MMP16: variants seen among roughly 807,000 people sequenced by gnomAD.
MMP16 encodes matrix metallopeptidase 16, also known as matrix metalloproteinase-16.
Under a neutral mutation model 67.8 loss-of-function variants are expected in MMP16, and 12 were observed. The ratio of observed to expected loss-of-function variants is 0.18; its 90% CI spans 0.11 to 0.29. The LOEUF (loss-of-function observed/expected upper bound fraction) is 0.29. MMP16 is among the 10% of genes least tolerant of loss of function. The probability of loss-of-function intolerance (pLI) is 1.00; values close to 1 mark genes in which losing one functional copy is unlikely to be tolerated. For synonymous variants in MMP16, 249 were observed against 255.9 expected (o/e 0.97, Z 0.26); for missense variants, 475 against 765.7 (o/e 0.62, Z 4.48).
At chr8:88,137,872 A>G (rs115643782) in intron 4 of MMP16, among the ~76,000 whole-genome samples, 5,269 of 152,016 alleles carry the variant, frequency 0.035, 306 homozygotes, top group African/African-American at 0.12. Flanking sequence ...TTCAATTCAC[A>G]TATCTTGTCT....
intron 1 of MMP16, among the ~76,000 whole-genome samples, chr8:88,272,183 T>C (rs1269806585): frequency 6.6e-6 from 1 of 152,222 alleles, no homozygotes; most frequent in Non-Finnish European, 1.5e-5. Context: ...GTATTATTTA[T>C]CAATCATTTT....
At chr8:88,243,384 A>G (rs1464959026) in intron 1 of MMP16, among the ~76,000 whole-genome samples, 1 of 152,130 alleles carries the variant, frequency 6.6e-6, no homozygotes, top group Non-Finnish European at 1.5e-5. Context: ...CAGAATGTTG[A>G]TGCACCAGGC....
chr8:88,262,885 C>T (rs894916817), intron 1 of MMP16, among the ~76,000 whole-genome samples: 2 of 139,940 alleles, frequency 1.4e-5, no homozygotes, highest in South Asian at 2.3e-4. Flanking sequence ...ATTAGCCGAG[C>T]GTGGTAGCGG....
At chr8:88,237,603 C>G (rs1249036024) in intron 1 of MMP16, among the ~76,000 whole-genome samples, 2 of 151,716 alleles carry the variant, frequency 1.3e-5, no homozygotes, top group Non-Finnish European at 2.9e-5. Flanking sequence ...GAACCGAGAT[C>G]GCGCCACAGC....
chr8:88,176,469 C>CA (rs1305677009), intron 3 of MMP16, among the ~76,000 whole-genome samples: 1 of 151,784 alleles, frequency 6.6e-6, no homozygotes, highest in Non-Finnish European at 1.5e-5. Flanking sequence ...GAAATCAGGT[C>CA]AAAAAAGGAC....
chr8:88,221,329 A>G (rs1331660376), intron 1 of MMP16, among the ~76,000 whole-genome samples: 1 of 152,166 alleles, frequency 6.6e-6, no homozygotes, highest in Non-Finnish European at 1.5e-5. Context: ...ATTACTACAC[A>G]GTGTATGCAC....
chr8:88,257,293 C>T (rs7013819), intron 1 of MMP16, among the ~76,000 whole-genome samples: 15,841 of 152,214 alleles, frequency 0.1, 987 homozygotes, highest in South Asian at 0.18. Context: ...ATAGTAAATA[C>T]ATATGGACAA....
rs144968478 is a variant in MMP16, at chr8:88,290,936, T to C, written c.132+36139A>G. Among the ~76,000 whole-genome samples, 49 of 152,256 alleles carry C rather than the reference T, an allele frequency of 3.2e-4. 1 individual carries two copies. The highest frequency in any genetic ancestry group is 1.1e-3 in the African/African-American group (47 of 41,542). ...CTTAAATATTCAAAAAATGAAGAGA[T>C]TCTCCGATTCTAATGAGTAAAACCT... is the stretch of plus-strand genomic sequence containing the variant. On this transcript the variant is annotated intron_variant, in intron 1 of 9. Transcript: ENST00000286614.
intron 4 of MMP16, among the ~76,000 whole-genome samples, chr8:88,123,191 G>C (rs539672988): frequency 3.7e-4 from 57 of 152,100 alleles, no homozygotes; most frequent in African/African-American, 1.2e-3. Flanking sequence ...TTAGGATTAA[G>C]AGGTGATTCT....
chr8:88,146,058 C>T (rs1026866280), intron 4 of MMP16, among the ~76,000 whole-genome samples: 5 of 152,038 alleles, frequency 3.3e-5, no homozygotes, highest in African/African-American at 1.2e-4. Flanking sequence ...CCATATAGTT[C>T]TTTTGCCTTA....
intron 6 of MMP16, among the ~76,000 whole-genome samples, chr8:88,078,391 G>A (rs1161889327): frequency 6.6e-6 from 1 of 152,154 alleles, no homozygotes; most frequent in African/African-American, 2.4e-5. Context: ...CCATGGAGCA[G>A]TAACATACGG....
intron 3 of MMP16, among the ~76,000 whole-genome samples, chr8:88,172,295 G>C (rs943261808): frequency 3.3e-5 from 5 of 152,042 alleles, no homozygotes; most frequent in Non-Finnish European, 7.4e-5. Context: ...CAATGTAGTG[G>C]TAATTTAATG....
intron 9 of MMP16, among the ~76,000 whole-genome samples, chr8:88,042,394 T>C (rs1043983139): frequency 6.6e-6 from 1 of 152,198 alleles, no homozygotes; most frequent in Non-Finnish European, 1.5e-5. Context: ...CTGGAGGGGC[T>C]TTCATTTGCC....
At chr8:88,244,563 G>A (rs1810081898) in intron 1 of MMP16, among the ~76,000 whole-genome samples, 3 of 152,100 alleles carry the variant, frequency 2.0e-5, no homozygotes, top group South Asian at 4.1e-4. Flanking sequence ...TATGAATCAA[G>A]CACTCTTGTA....
At chr8:88,263,987 A>T (rs13260539) in intron 1 of MMP16, among the ~76,000 whole-genome samples, 32,161 of 141,960 alleles carry the variant, frequency 0.23, 3,962 homozygotes, top group African/African-American at 0.34. Context: ...AGAGAGAGAG[A>T]GTGTGTGTGT....
At chr8:88,195,475 G>C (rs1394091877) in intron 2 of MMP16, among the ~76,000 whole-genome samples, 2 of 152,146 alleles carry the variant, frequency 1.3e-5, no homozygotes, top group African/African-American at 4.8e-5. Flanking sequence ...TTAAGAACAA[G>C]AACGCTGTCC....
intron 2 of MMP16, among the ~76,000 whole-genome samples, chr8:88,193,396 G>A (rs2129772108): frequency 6.6e-6 from 1 of 152,076 alleles, no homozygotes; most frequent in East Asian, 1.9e-4. Flanking sequence ...CATGGAGACA[G>A]AGACTAGAAT....
chr8:88,074,575 A>C, intron 7 of MMP16, 30 bp downstream of exon 7: 1 of 1,608,048 alleles, frequency 6.2e-7, no homozygotes, highest in Non-Finnish European at 8.5e-7. Context: ...ATTAAAATAC[A>C]ACATAGCCAG....
At chr8:88,192,074 AATAATATTTACTATTT>A (rs1283841384) in intron 2 of MMP16, among the ~76,000 whole-genome samples, 2 of 152,256 alleles carry the variant, frequency 1.3e-5, no homozygotes, top group African/African-American at 4.8e-5. Flanking sequence ...TAAAAGTATG[AATAATATTTACTATTT>A]ATAGTAGTCC....
Sources: allele counts gnomAD v4.1 joint callset (sites outside exome capture counted in the v4.1 genomes callset), GRCh38; gene constraint gnomAD v4.1.1; transcripts MANE v1.5; gene names NCBI Gene and HGNC (gene_info 2026-07-23, HGNC 2026-07-21).